The following MYO1F variants were observed in gnomAD, a reference collection of about 807,000 sequenced individuals.
MYO1F encodes unconventional myosin-If.
In MYO1F, 60 loss-of-function variants were observed where a neutral mutation model predicts 146.6. The observed-to-expected ratio is 0.41, with a 90% confidence interval of 0.33 to 0.51. MYO1F has a LOEUF of 0.51. MYO1F is among the 20% of genes least tolerant of loss of function. MYO1F has a pLI of 0.25. For synonymous variants in MYO1F, 602 were observed against 602.1 expected (o/e 1.00, Z 0.00); for missense variants, 1,274 against 1,534.3 (o/e 0.83, Z 2.83).
chr19:8,546,115 A>T (rs1409757055), intron 12 of MYO1F, among the ~76,000 whole-genome samples: 1 of 126,070 alleles, frequency 7.9e-6, no homozygotes, highest in East Asian at 2.4e-4. Context: ...CCTAGGCTGG[A>T]GTGCAATGGC....
Position 8,572,124 on chromosome 19 carries a change from A to G in MYO1F, c.3+5183T>C, listed in dbSNP as rs1469573440. Among the ~76,000 whole-genome samples the G allele has an allele frequency of 2.0e-5, 3 of 152,300 alleles. No individual in the cohort carries two copies. In the East Asian group the frequency reaches 5.8e-4, roughly 29 times the overall value. On this transcript the variant is annotated intron_variant, in intron 1 of 27. Coordinates refer to ENST00000644032, the MANE Select transcript of MYO1F (RefSeq NM_012335.4). Reference sequence around the variant, plus strand: ...TACCGTCTCAAACATCTCCACGCAGAAGCTGGAGCTGGGGAACCCTGGTCT... The same window carrying G: ...TACCGTCTCAAACATCTCCACGCAGGAGCTGGAGCTGGGGAACCCTGGTCT...
chr19:8,536,426 G>T (rs1184165564), intron 18 of MYO1F, 30 bp from the exon 19 acceptor site: 1 of 1,608,048 alleles, frequency 6.2e-7, no homozygotes, highest in East Asian at 2.2e-5. Flanking sequence ...GTGTGGGAGT[G>T]CTCATAGCAG....
chr19:8,539,983 C>G lies in MYO1F; in HGVS notation c.1656G>C (p.Lys552Asn), dbSNP rs1199704322. 6.8e-6 allele frequency: 11 copies of G among 1,612,580 alleles called. No individual in the cohort carries two copies. The highest frequency in any genetic ancestry group is 9.3e-6 in the Non-Finnish European group (11 of 1,179,190). ...AGCCGGCGGTGCTGGGGCGCCCCTTCTTGTCTCCATCCAGCTTCTCGGGGA... is the reference window on the plus strand; with the variant it reads ...AGCCGGCGGTGCTGGGGCGCCCCTTGTTGTCTCCATCCAGCTTCTCGGGGA... ...MLFPEKLDGDKKGRPSTAGSK... is the reference protein window; with the variant it reads ...MLFPEKLDGDNKGRPSTAGSK... The change falls in exon 16 of 28, where the codon AAG (lysine) becomes AAC (asparagine). Residue 552 changes from lysine to asparagine, a missense_variant. Physicochemically the swap from Lys to Asn is moderately conservative, Grantham distance 94. Transcript: ENST00000644032.
intron 14 of MYO1F, among the ~76,000 whole-genome samples, chr19:8,543,852 GTGGTGC>G (rs1973158135): frequency 2.0e-5 from 1 of 49,610 alleles, no homozygotes; most frequent in African/African-American, 9.9e-5. Context: ...GGTGGTGGTG[GTGGTGC>G]TGGTGGTGCT....
At chr19:8,526,431 C>G (rs1191466210) in intron 24 of MYO1F, 22 bp downstream of exon 24, 13 of 1,550,574 alleles carry the variant, frequency 8.4e-6, no homozygotes, top group Non-Finnish European at 1.1e-5. Context: ...GCCCCCTCTG[C>G]CCTAGTTCCG....
At chr19:8,574,384 A>C (rs1481041459) in intron 1 of MYO1F, among the ~76,000 whole-genome samples, 4 of 152,208 alleles carry the variant, frequency 2.6e-5, no homozygotes, top group African/African-American at 9.6e-5. Flanking sequence ...ACCATGGATC[A>C]AGTGCATGTT....
intron 1 of MYO1F, among the ~76,000 whole-genome samples, chr19:8,563,738 C>G (rs538732083): frequency 3.0e-4 from 46 of 152,060 alleles, no homozygotes; most frequent in African/African-American, 1.1e-3. Context: ...TCTGGAACTC[C>G]TGACCTCAGG....
intron 1 of MYO1F, among the ~76,000 whole-genome samples, chr19:8,565,544 A>AAAT (rs755973380): frequency 1.2e-4 from 18 of 151,692 alleles, no homozygotes; most frequent in Non-Finnish European, 2.5e-4. Context: ...CTCTGTCTCG[A>AAAT]AATAATAATA....
At chr19:8,526,051 G>A (rs1333361017) in intron 24 of MYO1F, among the ~76,000 whole-genome samples, 2 of 152,188 alleles carry the variant, frequency 1.3e-5, no homozygotes, top group Non-Finnish European at 2.9e-5. Flanking sequence ...CTCTCTGGCC[G>A]GGCGCAGTGG....
chr19:8,541,456 T>A (rs1972967153), intron 15 of MYO1F, among the ~76,000 whole-genome samples: 1 of 131,292 alleles, frequency 7.6e-6, no homozygotes, highest in Non-Finnish European at 1.6e-5. Context: ...TGAGACAGAA[T>A]CTCCCTCTGT....
At chr19:8,544,260 G>T (rs201164800) in intron 14 of MYO1F, 37 bp downstream of exon 14, 4 of 1,610,790 alleles carry the variant, frequency 2.5e-6, no homozygotes, top group Middle Eastern at 1.7e-4. Flanking sequence ...GGGGGTCTGC[G>T]AGGAGGCACA....
chr19:8,550,193 C>T lies in MYO1F; in HGVS notation c.1068G>A (p.Gly356=), dbSNP rs1442976034. The change falls in exon 10 of 28, where the codon GGG becomes GGA. Residue 356 remains glycine, a synonymous_variant. Coordinates refer to ENST00000644032, the MANE Select transcript of MYO1F (RefSeq NM_012335.4). ...GGAAGTCGAAGAGGCGGGCATAGAG[C>T]CCCTTGGCCAGGGCATCACGGGTGT... ...AAYTRDALAK[G]LYARLFDFLV... The T allele has an allele frequency of 6.2e-7, 1 of 1,614,134 alleles. No individual in the cohort carries two copies. Among genetic ancestry groups the T allele is most frequent in the Non-Finnish European group, 8.5e-7 (1 of 1,180,040 alleles).
intron 6 of MYO1F, 75 bp downstream of exon 6, chr19:8,553,064 T>G: frequency 1.5e-6 from 2 of 1,335,874 alleles, no homozygotes; most frequent in Non-Finnish European, 2.2e-6. Context: ...TACGGGTGTG[T>G]GTATGTGTGG....
intron 14 of MYO1F, among the ~76,000 whole-genome samples, chr19:8,543,801 CTGG>C (rs1568349238): frequency 7.3e-4 from 8 of 10,944 alleles, no homozygotes; most frequent in East Asian, 5.5e-3. Context: ...GGTGGTGGTG[CTGG>C]TGGTGCTGGT....
At chr19:8,531,065 C>CAA (rs896843194) in intron 19 of MYO1F, among the ~76,000 whole-genome samples, 2 of 148,890 alleles carry the variant, frequency 1.3e-5, no homozygotes, top group Non-Finnish European at 1.5e-5. Context: ...AAAACAAAAA[C>CAA]AAAAAAAGCT....
At chr19:8,535,561 C>T (rs1972668779) in intron 19 of MYO1F, among the ~76,000 whole-genome samples, 1 of 152,138 alleles carries the variant, frequency 6.6e-6, no homozygotes, top group African/African-American at 2.4e-5. Context: ...TGCGCTACCA[C>T]ACCTGACTTG....
intron 1 of MYO1F, among the ~76,000 whole-genome samples, chr19:8,574,555 C>CTT (rs1421921495): frequency 1.1e-5 from 1 of 91,950 alleles, no homozygotes; most frequent in Non-Finnish European, 2.3e-5. Flanking sequence ...TTCTTTCTTT[C>CTT]TTTCTTTCTT....
chr19:8,539,181 G>A (rs773677223), intron 16 of MYO1F, among the ~76,000 whole-genome samples: 1 of 152,152 alleles, frequency 6.6e-6, no homozygotes, highest in Non-Finnish European at 1.5e-5. Flanking sequence ...TTGGGAGGCT[G>A]AGGCAGGCGG....
intron 14 of MYO1F, among the ~76,000 whole-genome samples, chr19:8,543,414 C>T (rs1973065032): frequency 6.6e-6 from 1 of 150,796 alleles, no homozygotes; most frequent in South Asian, 2.1e-4. Flanking sequence ...GGCCTGGGGG[C>T]TTTGGGGATT....
Sources: gnomAD v4.1 joint callset for allele counts (sites outside exome capture counted in the v4.1 genomes callset) on GRCh38, gnomAD v4.1.1 for gene constraint, MANE v1.5 for transcripts, NCBI Gene and HGNC (gene_info 2026-07-23, HGNC 2026-07-21) for gene names.